The following ATP9B variants were observed in gnomAD, a reference collection of about 807,000 sequenced individuals.
ATP9B encodes the protein probable phospholipid-transporting ATPase IIB.
A neutral mutation model predicts 146.1 loss-of-function variants in ATP9B; 110 were observed. That is an observed-to-expected ratio of 0.75 (90% confidence interval 0.65 to 0.88). The LOEUF (loss-of-function observed/expected upper bound fraction) is 0.88, where lower values mean the gene tolerates loss of function less well. ATP9B is among the 40% of genes least tolerant of loss of function. ATP9B has a pLI of 0.00. For synonymous variants in ATP9B, 604 were observed against 569.7 expected, an observed-to-expected ratio of 1.06 and a Z score of -0.86; for missense variants, 1,499 against 1,496.4, an observed-to-expected ratio of 1.00 and a Z score of -0.03.
chr18:79,229,526 A>G (rs1329698180), intron 11 of ATP9B, among the ~76,000 whole-genome samples: 2 of 152,252 alleles, frequency 1.3e-5, no homozygotes, highest in Non-Finnish European at 2.9e-5. Flanking sequence ...CAATATAAAG[A>G]AAAATGACTG....
intron 19 of ATP9B, 142 bp from the exon 20 acceptor site, chr18:79,342,126 T>G (rs2096862828): frequency 9.2e-6 from 6 of 649,070 alleles, no homozygotes; most frequent in Non-Finnish European, 1.7e-5. Context: ...ATTGTATGTA[T>G]GGAACACATT....
rs398033647 is a variant in ATP9B, at chr18:79,256,286, T to TATATATATATATATATATATAC, written c.1268+2746_1268+2747insTATATATATATATATATATACA. Among the ~76,000 whole-genome samples, 285 of 122,960 alleles carry TATATATATATATATATATATAC rather than the reference T, an allele frequency of 2.3e-3. 17 individuals carry two copies. The highest frequency in any genetic ancestry group is 8.9e-3 in the African/African-American group (272 of 30,708). 80.7% of individuals were successfully genotyped at this position (122,960 alleles called of 152,430 possible). A position where few individuals can be genotyped will look rare whatever the true frequency, so the allele number is the denominator to read the frequency against. On this transcript the variant is annotated intron_variant, in intron 12 of 29. Transcript: ENST00000426216. ...ATATATATATATATATATATATATA[T>TATATATATATATATATATATAC]ACATACATAGTGAGGCTATGTTATT... is the stretch of plus-strand genomic sequence containing the variant.
At chr18:79,329,405 G>T (rs2096778310) in intron 16 of ATP9B, 103 bp downstream of exon 16, 7 of 1,274,614 alleles carry the variant, frequency 5.5e-6, no homozygotes, top group South Asian at 3.8e-5. Context: ...TTACTCAGGT[G>T]CTTTATGCTG....
rs79810319 is a variant in ATP9B at position 79,276,337 on chromosome 18, C to T, written c.1269-717C>T. On this transcript the variant is annotated intron_variant, in intron 12 of 29. Transcript: ENST00000426216. Reference sequence around the variant, plus strand: ...CCAGTCAGATGACTCATCATATGTGCTTTAATTGCAGTCTTACTACACGGA... The same window carrying T: ...CCAGTCAGATGACTCATCATATGTGTTTTAATTGCAGTCTTACTACACGGA... 1.7e-3 allele frequency among the ~76,000 whole-genome samples: 263 copies of T among 152,322 alleles called. 6 individuals are homozygous for T. The East Asian group carries it at 0.038, about 22-fold the overall frequency.
At chr18:79,199,229 G>A (rs1357520888) in intron 9 of ATP9B, among the ~76,000 whole-genome samples, 1 of 151,970 alleles carries the variant, frequency 6.6e-6, no homozygotes, top group East Asian at 1.9e-4. Flanking sequence ...GGGATTACAG[G>A]CATGAGCCTG....
In ATP9B at chr18:79,281,267, C is replaced by T. The variant is rs769079330; in HGVS notation, c.1411+4071C>T. 3.3e-5 allele frequency among the ~76,000 whole-genome samples: 5 copies of T among 152,052 alleles called. No homozygotes were observed. The East Asian group carries it at 7.7e-4, about 23-fold the overall frequency. On this transcript the variant is annotated intron_variant, in intron 13 of 29. Coordinates refer to ENST00000426216, the MANE Select transcript of ATP9B (RefSeq NM_198531.5). ...ATCCCAGCACTTTGGGAGGCTGAGG[C>T]GGGTGGATCACCTAAGGTCAGGAGT...
chr18:79,153,356 C>A (rs1224535844), intron 6 of ATP9B, among the ~76,000 whole-genome samples: 1 of 152,080 alleles, frequency 6.6e-6, no homozygotes, highest in Admixed American at 6.5e-5. Flanking sequence ...TTTTTATATG[C>A]CATAAAATGT....
rs149863017 is a variant in ATP9B, at chr18:79,180,861, C to T, written c.873+3954C>T. On this transcript the variant is annotated intron_variant, in intron 8 of 29. Coordinates refer to ENST00000426216, the MANE Select transcript of ATP9B (RefSeq NM_198531.5). ...AGGCTTAAGTGCAGTAGTGCAATCT[C>T]GACTCACTGCAGTCTCCACCTCCTG... Among the ~76,000 whole-genome samples the T allele has an allele frequency of 9.2e-5, 14 of 152,008 alleles. 1 individual carries two copies. The highest frequency in any genetic ancestry group is 1.9e-4 in the East Asian group (1 of 5,174).
rs1416009285 is a variant in ATP9B, at chr18:79,277,011, G to A, written c.1269-43G>A. 3.1e-6 allele frequency: 5 copies of A among 1,612,178 alleles called. No individual in the cohort carries two copies. The Admixed American group carries it at 6.7e-5, about 22-fold the overall frequency. ...CAGTTTGGGTGTGAACTTGGACATG[G>A]CTCTGGATCACACTAACCACTGCAA... On this transcript the variant is annotated intron_variant, in intron 12 of 29. Transcript: ENST00000426216.
chr18:79,137,399 A>G (rs1568253983), intron 5 of ATP9B, among the ~76,000 whole-genome samples: 1 of 152,032 alleles, frequency 6.6e-6, no homozygotes, highest in South Asian at 2.1e-4. Context: ...TATTCCTGCA[A>G]ATATTGTTGA....
chr18:79,328,130 A>ATAGCGTGCTCTCTGTGGT lies in ATP9B; in HGVS notation c.1774-998_1774-981dup, dbSNP rs1568703599. ...TCTGTGGTTAGCGTGCTCTCCGTGGATAGCGTGCTCTCTGTGGTTAGCGTG... is the reference window on the plus strand; with the variant it reads ...TCTGTGGTTAGCGTGCTCTCCGTGGATAGCGTGCTCTCTGTGGTTAGCGTGCTCTCTGTGGTTAGCGTG... On this transcript the variant is annotated intron_variant, in intron 15 of 29. Transcript: ENST00000426216. Among the ~76,000 whole-genome samples the ATAGCGTGCTCTCTGTGGT allele has an allele frequency of 6.7e-5, 3 of 44,532 alleles. No individual in the cohort carries two copies. In the South Asian group the frequency reaches 3.0e-3, roughly 44 times the overall value. 29.2% of individuals were successfully genotyped at this position (44,532 alleles called of 152,430 possible). A position where few individuals can be genotyped will look rare whatever the true frequency, so the allele number is the denominator to read the frequency against.
At chr18:79,147,714 A>G (rs1346430905) in intron 6 of ATP9B, among the ~76,000 whole-genome samples, 1 of 151,982 alleles carries the variant, frequency 6.6e-6, no homozygotes, top group East Asian at 1.9e-4. Context: ...TCCTGTGGGG[A>G]AACAAGCAGA....
At chr18:79,289,133 C>T (rs2096475234) in intron 13 of ATP9B, among the ~76,000 whole-genome samples, 2 of 152,094 alleles carry the variant, frequency 1.3e-5, no homozygotes, top group South Asian at 2.1e-4. Context: ...GTGGAGTTCT[C>T]TGTATTTCCT....
At chr18:79,370,545 C>T (rs996774932) in intron 26 of ATP9B, among the ~76,000 whole-genome samples, 2 of 152,196 alleles carry the variant, frequency 1.3e-5, no homozygotes, top group Admixed American at 6.5e-5. Context: ...CTATGAGTAA[C>T]GTGTCTGTAC....
intron 5 of ATP9B, among the ~76,000 whole-genome samples, chr18:79,127,902 C>T (rs2094313865): frequency 6.6e-6 from 1 of 152,020 alleles, no homozygotes. Flanking sequence ...GCAGCCACTG[C>T]TTTTTGATTA....
chr18:79,303,576 G>A (rs1395653775), intron 13 of ATP9B, 28 bp from the exon 14 acceptor site: 12 of 1,583,440 alleles, frequency 7.6e-6, no homozygotes, highest in Admixed American at 3.3e-5. Context: ...CTGCATTAAT[G>A]TGTTTGCTGT....
At chr18:79,169,973 C>G (rs972332200) in intron 7 of ATP9B, among the ~76,000 whole-genome samples, 1 of 152,214 alleles carries the variant, frequency 6.6e-6, no homozygotes, top group Non-Finnish European at 1.5e-5. Flanking sequence ...TTACGACTCC[C>G]CAATACTTAA....
At chr18:79,076,009 T>C (rs1348900741) in intron 1 of ATP9B, among the ~76,000 whole-genome samples, 3 of 152,238 alleles carry the variant, frequency 2.0e-5, no homozygotes, top group Admixed American at 6.5e-5. Flanking sequence ...TTGTTGGTAT[T>C]TTAACGGTTG....
At chr18:79,348,087 C>T (rs1032273279) in intron 24 of ATP9B, 45 bp from the exon 25 acceptor site, 7 of 1,610,546 alleles carry the variant, frequency 4.3e-6, no homozygotes, top group Non-Finnish European at 5.9e-6. Context: ...GCCACAGGTG[C>T]TCGTGGAACT....
Sources: gnomAD v4.1 joint callset for allele counts (sites outside exome capture counted in the v4.1 genomes callset) on GRCh38, gnomAD v4.1.1 for gene constraint, MANE v1.5 for transcripts, NCBI Gene and HGNC (gene_info 2026-07-23, HGNC 2026-07-21) for gene names.